Variants in FAM83B observed in about 807,000 individuals in gnomAD.
FAM83B encodes protein FAM83B.
In FAM83B, 26 loss-of-function variants were observed where a neutral mutation model predicts 38.8. That is an observed-to-expected ratio of 0.67 (90% confidence interval 0.49 to 0.93). The LOEUF (loss-of-function observed/expected upper bound fraction) is 0.93, where lower values mean the gene tolerates loss of function less well. Among genes scored for constraint, FAM83B ranks in the 40% least tolerant of loss-of-function variants. FAM83B has a pLI of 0.00. For synonymous variants in FAM83B, 419 were observed against 423.1 expected, an observed-to-expected ratio of 0.99 and a Z score of 0.12; for missense variants, 1,237 against 1,197.3, an observed-to-expected ratio of 1.03 and a Z score of -0.49.
At chr6:54,886,698 G>T (rs202044655) in intron 2 of FAM83B, among the ~76,000 whole-genome samples, 1 of 151,478 alleles carries the variant, frequency 6.6e-6, no homozygotes, top group Non-Finnish European at 1.5e-5. Context: ...CAAATTTAGC[G>T]TGTTGATTTT....
chr6:54,879,560 G>A (rs1011879351), intron 2 of FAM83B, among the ~76,000 whole-genome samples: 2 of 152,126 alleles, frequency 1.3e-5, no homozygotes, highest in Non-Finnish European at 2.9e-5. Context: ...AGTAGGAGAT[G>A]TATGGTGGAG....
intron 2 of FAM83B, among the ~76,000 whole-genome samples, chr6:54,883,348 T>G (rs1334285020): frequency 2.7e-5 from 4 of 149,618 alleles, no homozygotes; most frequent in Admixed American, 2.7e-4. Context: ...TTTTTTTTTT[T>G]TTTGAGATGG....
At chr6:54,880,071 A>G (rs529773450) in intron 2 of FAM83B, among the ~76,000 whole-genome samples, 2 of 152,360 alleles carry the variant, frequency 1.3e-5, no homozygotes, top group Admixed American at 1.3e-4. Context: ...AGTTTTAACA[A>G]TCTACATATA....
At position 54,903,073 on chromosome 6, in the gene FAM83B, T is replaced by C. The variant is rs1581912115; in HGVS notation, c.445-23298T>C. Among the ~76,000 whole-genome samples, 3 of 152,326 alleles carry C rather than the reference T, an allele frequency of 2.0e-5. No individual in the cohort carries two copies. In the East Asian group the frequency reaches 5.8e-4, roughly 29 times the overall value. On this transcript the variant is annotated intron_variant, in intron 2 of 4. Coordinates refer to ENST00000306858, the MANE Select transcript of FAM83B (RefSeq NM_001010872.3). ...ACCTCATACAATTTGCATATATTTA[T>C]AGATTTGTTTCTATGGATATATTTC...
At chr6:54,897,015 C>T (rs955421811) in intron 2 of FAM83B, among the ~76,000 whole-genome samples, 1 of 151,956 alleles carries the variant, frequency 6.6e-6, no homozygotes, top group Non-Finnish European at 1.5e-5. Flanking sequence ...CATTTGACAC[C>T]ATCCTGTTAG....
chr6:54,892,690 A>T (rs1249726107), intron 2 of FAM83B, among the ~76,000 whole-genome samples: 1 of 149,274 alleles, frequency 6.7e-6, no homozygotes, highest in African/African-American at 2.4e-5. Flanking sequence ...TATTATATAC[A>T]TAAATATATA....
At chr6:54,921,700 A>G (rs1243072804) in intron 2 of FAM83B, among the ~76,000 whole-genome samples, 1 of 152,020 alleles carries the variant, frequency 6.6e-6, no homozygotes, top group African/African-American at 2.4e-5. Flanking sequence ...AATATAATAG[A>G]TTGATGTACC....
chr6:54,901,958 G>T (rs1251107342), intron 2 of FAM83B, among the ~76,000 whole-genome samples: 5 of 152,024 alleles, frequency 3.3e-5, no homozygotes, highest in Non-Finnish European at 7.4e-5. Context: ...TAGGAATCAT[G>T]ACTTTATTTG....
At chr6:54,890,445 C>T (rs922601236) in intron 2 of FAM83B, among the ~76,000 whole-genome samples, 2 of 152,030 alleles carry the variant, frequency 1.3e-5, no homozygotes, top group African/African-American at 4.8e-5. Flanking sequence ...ATTCCTGGAG[C>T]TCAAAGTTAT....
intron 2 of FAM83B, among the ~76,000 whole-genome samples, chr6:54,907,789 T>A (rs1239719117): frequency 2.0e-5 from 3 of 152,132 alleles, no homozygotes; most frequent in Non-Finnish European, 4.4e-5. Context: ...TGAGGATATA[T>A]TAAAATTTGA....
At chr6:54,872,548 G>A (rs943459451) in intron 2 of FAM83B, among the ~76,000 whole-genome samples, 9 of 152,160 alleles carry the variant, frequency 5.9e-5, no homozygotes, top group East Asian at 3.8e-4. Flanking sequence ...ATCACCCTGC[G>A]TGATAGCTAG....
chr6:54,890,828 C>G (rs752851111), intron 2 of FAM83B, among the ~76,000 whole-genome samples: 20 of 152,086 alleles, frequency 1.3e-4, no homozygotes, highest in Non-Finnish European at 2.1e-4. Context: ...CCTTTTTGTT[C>G]TCTTTCCCTC....
intron 3 of FAM83B, among the ~76,000 whole-genome samples, chr6:54,926,757 G>T (rs1773295747): frequency 6.6e-6 from 1 of 152,090 alleles, no homozygotes; most frequent in East Asian, 1.9e-4. Context: ...TTTTGAGACG[G>T]AGTCTTGCTC....
In FAM83B at chr6:54,880,513, C is replaced by T. The variant is rs563497100; in HGVS notation, c.444+9823C>T. 1.5e-3 allele frequency among the ~76,000 whole-genome samples: 199 copies of T among 132,192 alleles called. 1 individual carries two copies. The highest frequency in any genetic ancestry group is 5.4e-3 in the African/African-American group (192 of 35,386). 86.7% of individuals were successfully genotyped at this position (132,192 alleles called of 152,430 possible). A position where few individuals can be genotyped will look rare whatever the true frequency, so the allele number is the denominator to read the frequency against. On this transcript the variant is annotated intron_variant, in intron 2 of 4. Transcript: ENST00000306858. ...AGCCTGGAGTGCAGTGGCATGATCTCGGCTCACTGCCACCTCTGCCTCTCA... is the reference window on the plus strand; with the variant it reads ...AGCCTGGAGTGCAGTGGCATGATCTTGGCTCACTGCCACCTCTGCCTCTCA...
At chr6:54,868,937 C>A (rs1771780457) in intron 1 of FAM83B, among the ~76,000 whole-genome samples, 1 of 152,152 alleles carries the variant, frequency 6.6e-6, no homozygotes, top group Admixed American at 6.6e-5. Flanking sequence ...GTTCCATGCT[C>A]CAAGTTATCT....
At chr6:54,898,220 G>A (rs1393776) in intron 2 of FAM83B, among the ~76,000 whole-genome samples, 1 of 151,704 alleles carries the variant, frequency 6.6e-6, no homozygotes, top group African/African-American at 2.4e-5. Context: ...CTGACATACT[G>A]GAACCTGCCC....
At chr6:54,939,345 C>G (rs879757947) in intron 4 of FAM83B, among the ~76,000 whole-genome samples, 4 of 152,110 alleles carry the variant, frequency 2.6e-5, no homozygotes, top group Non-Finnish European at 5.9e-5. Flanking sequence ...GCTATGCAGG[C>G]TCTTTTTTGG....
intron 1 of FAM83B, among the ~76,000 whole-genome samples, chr6:54,852,326 A>G: frequency 6.6e-6 from 1 of 152,290 alleles, no homozygotes; most frequent in South Asian, 2.1e-4. Context: ...ACATTTTGAT[A>G]ATTCTCACAA....
intron 2 of FAM83B, among the ~76,000 whole-genome samples, chr6:54,876,225 C>A (rs9382390): frequency 0.3 from 43,196 of 143,746 alleles, 8,245 homozygotes; most frequent in East Asian, 0.83. Flanking sequence ...CTAACCAATA[C>A]CTCTATTAAT....
Sources: gnomAD v4.1 joint callset for allele counts (sites outside exome capture counted in the v4.1 genomes callset) on GRCh38, gnomAD v4.1.1 for gene constraint, MANE v1.5 for transcripts, NCBI Gene and HGNC (gene_info 2026-07-23, HGNC 2026-07-21) for gene names.